The following RPS6KC1 variants were observed in gnomAD, a reference collection of about 807,000 sequenced individuals.
The protein encoded by RPS6KC1 is ribosomal protein S6 kinase C1, also known as inactive ribosomal protein S6 kinase delta-1.
In RPS6KC1, 54 loss-of-function variants were observed where a neutral mutation model predicts 103.8. That is an observed-to-expected ratio of 0.52 (90% confidence interval 0.42 to 0.65). RPS6KC1 has a LOEUF of 0.65. Among genes scored for constraint, RPS6KC1 ranks in the 30% least tolerant of loss-of-function variants. The probability of loss-of-function intolerance (pLI) is 0.00; values close to 1 mark genes in which losing one functional copy is unlikely to be tolerated. For missense variants in RPS6KC1, 1,151 were observed against 1,253.8 expected (o/e 0.92, Z 1.24); for synonymous variants, 439 against 438.7 (o/e 1.00, Z -0.01).
At chr1:213,278,574 C>T (rs1216749899), downstream of RPS6KC1, among the ~76,000 whole-genome samples, 1 of 152,134 alleles carries the variant, frequency 6.6e-6, no homozygotes, top group Non-Finnish European at 1.5e-5. Context: ...GAACTCTTCC[C>T]CCGACCGTAT....
At chr1:213,559,722 A>G in the RPS6KC1 span, among the ~76,000 whole-genome samples, 2 of 152,228 alleles carry the variant, frequency 1.3e-5, no homozygotes, top group Admixed American at 6.5e-5. Context: ...TGGAAAAATA[A>G]TGCAAGCCTC....
chr1:213,141,704 C>T (rs1245571272), intron 6 of RPS6KC1, among the ~76,000 whole-genome samples: 2 of 151,894 alleles, frequency 1.3e-5, no homozygotes, highest in Non-Finnish European at 2.9e-5. Flanking sequence ...TCAGGTTTCT[C>T]TAGGTGTGAC....
chr1:213,122,842 C>T (rs756828942), intron 5 of RPS6KC1, among the ~76,000 whole-genome samples: 4 of 151,970 alleles, frequency 2.6e-5, no homozygotes, highest in Non-Finnish European at 5.9e-5. Flanking sequence ...TGGAGCTTGA[C>T]AAAAACAACA....
chr1:213,388,070 T>C, the RPS6KC1 span, among the ~76,000 whole-genome samples: 2 of 152,250 alleles, frequency 1.3e-5, no homozygotes, highest in Non-Finnish European at 2.9e-5. Flanking sequence ...CTGGCCCTCC[T>C]GGGCCCCATT....
At chr1:213,448,148 G>A in the RPS6KC1 span, among the ~76,000 whole-genome samples, 1 of 147,684 alleles carries the variant, frequency 6.8e-6, no homozygotes. Context: ...TAAGGTGGGA[G>A]GATTGCTCCA....
At chr1:213,294,405 C>G in the RPS6KC1 span, among the ~76,000 whole-genome samples, 1 of 152,082 alleles carries the variant, frequency 6.6e-6, no homozygotes, top group Non-Finnish European at 1.5e-5. Flanking sequence ...TTGGTTTGTT[C>G]GCTCCTCCAA....
chr1:213,472,923 A>T, the RPS6KC1 span, among the ~76,000 whole-genome samples: 1 of 152,254 alleles, frequency 6.6e-6, no homozygotes, highest in Non-Finnish European at 1.5e-5. Flanking sequence ...ATATATTCAT[A>T]TCAGAAGGTA....
intron 6 of RPS6KC1, among the ~76,000 whole-genome samples, chr1:213,151,445 C>CTCCA (rs2088878997): frequency 7.2e-6 from 1 of 138,712 alleles, no homozygotes; most frequent in Admixed American, 6.9e-5. Flanking sequence ...CCTCACCTCC[C>CTCCA]GGATGGGGCG....
the RPS6KC1 span, among the ~76,000 whole-genome samples, chr1:213,808,614 T>G: frequency 6.6e-6 from 1 of 152,352 alleles, no homozygotes; most frequent in South Asian, 2.1e-4. Flanking sequence ...CTGGTGTCCG[T>G]TATTTAAGCC....
chr1:213,625,516 T>C, the RPS6KC1 span, among the ~76,000 whole-genome samples: 3 of 152,188 alleles, frequency 2.0e-5, no homozygotes, highest in Non-Finnish European at 2.9e-5. Context: ...GCCATGCTGG[T>C]GTGCTGCACC....
At chr1:213,621,240 A>G in the RPS6KC1 span, among the ~76,000 whole-genome samples, 7 of 152,178 alleles carry the variant, frequency 4.6e-5, no homozygotes, top group Non-Finnish European at 8.8e-5. Flanking sequence ...GGCATTCCCC[A>G]CTAAAAGTCA....
chr1:213,632,563 G>A, the RPS6KC1 span, among the ~76,000 whole-genome samples: 2 of 152,150 alleles, frequency 1.3e-5, no homozygotes, highest in Non-Finnish European at 2.9e-5. Flanking sequence ...AAAGACCAAA[G>A]GTAGATAAAA....
chr1:213,324,432 G>C, the RPS6KC1 span, among the ~76,000 whole-genome samples: 6 of 152,130 alleles, frequency 3.9e-5, no homozygotes, highest in Non-Finnish European at 8.8e-5. Context: ...ATGATCTCAA[G>C]ATGGAAAGTC....
rs543993896 is a variant in RPS6KC1, at chr1:213,117,498, A to G, written c.472+88A>G. On this transcript the variant is annotated intron_variant, in intron 5 of 14. Coordinates refer to ENST00000366960, the MANE Select transcript of RPS6KC1 (RefSeq NM_012424.6). Reference sequence around the variant, plus strand: ...CTGCATTGCAAAAAGACAGATGTATATAGGAATTTGAGGGTATTTCACTGA... The same window carrying G: ...CTGCATTGCAAAAAGACAGATGTATGTAGGAATTTGAGGGTATTTCACTGA... 1.6e-5 allele frequency: 11 copies of G among 708,682 alleles called. No individual in the cohort carries two copies. The Admixed American group carries it at 1.6e-4, about 10-fold the overall frequency. 43.9% of individuals were successfully genotyped at this position (708,682 alleles called of 1,614,324 possible).
chr1:213,793,494 C>T, the RPS6KC1 span, among the ~76,000 whole-genome samples: 1 of 152,048 alleles, frequency 6.6e-6, no homozygotes, highest in Non-Finnish European at 1.5e-5. Flanking sequence ...CAATGTAATC[C>T]CTTAAAACAG....
At chr1:213,408,228 C>T in the RPS6KC1 span, among the ~76,000 whole-genome samples, 1 of 152,170 alleles carries the variant, frequency 6.6e-6, no homozygotes, top group Non-Finnish European at 1.5e-5. Flanking sequence ...GCAGATGGTC[C>T]ATATGCCAGG....
At chr1:213,443,771 A>T in the RPS6KC1 span, among the ~76,000 whole-genome samples, 1 of 152,054 alleles carries the variant, frequency 6.6e-6, no homozygotes, top group African/African-American at 2.4e-5. Context: ...TAAAAAAATT[A>T]GCTAGGTGTG....
chr1:213,475,301 C>T, the RPS6KC1 span, among the ~76,000 whole-genome samples: 1 of 152,162 alleles, frequency 6.6e-6, no homozygotes, highest in Non-Finnish European at 1.5e-5. Context: ...ATCAGTCTAC[C>T]TCAGGGGTCC....
the RPS6KC1 span, among the ~76,000 whole-genome samples, chr1:213,377,731 G>T: frequency 6.6e-6 from 1 of 152,158 alleles, no homozygotes; most frequent in Non-Finnish European, 1.5e-5. Flanking sequence ...GCTAAGAGGT[G>T]CTACATGTCT....
Sources: gnomAD v4.1 joint callset for allele counts (sites outside exome capture counted in the v4.1 genomes callset) on GRCh38, gnomAD v4.1.1 for gene constraint, MANE v1.5 for transcripts, NCBI Gene and HGNC (gene_info 2026-07-23, HGNC 2026-07-21) for gene names.